The following ASPH variants were observed in gnomAD, a reference collection of about 807,000 sequenced individuals.
ASPH encodes the protein aspartate beta-hydroxylase.
ASPH carries 100 observed loss-of-function variants against 118.4 expected under a neutral mutation model. That is an observed-to-expected ratio of 0.84 (90% confidence interval 0.72 to 1.00). The LOEUF is 1.00. Ranked by LOEUF, ASPH falls within the 50% of genes least tolerant of loss-of-function variation. The pLI, the probability that ASPH is intolerant of heterozygous loss-of-function variation, is 0.00. For synonymous variants in ASPH, 315 were observed against 325.6 expected, an observed-to-expected ratio of 0.97 and a Z score of 0.35; for missense variants, 920 against 919.5, an observed-to-expected ratio of 1.00 and a Z score of -0.01.
intron 1 of ASPH, among the ~76,000 whole-genome samples, chr8:61,700,879 A>G (rs1053159981): frequency 6.6e-6 from 1 of 152,252 alleles, no homozygotes; most frequent in African/African-American, 2.4e-5. Context: ...ATAATTCGGC[A>G]TGAGTATCAT....
chr8:61,534,135 T>C (rs971452177), intron 21 of ASPH, among the ~76,000 whole-genome samples: 2 of 152,086 alleles, frequency 1.3e-5, no homozygotes, highest in Non-Finnish European at 2.9e-5. Flanking sequence ...TTAATAGAGA[T>C]GGGGTTTCTC....
At chr8:61,698,971 T>C (rs1376074154) in intron 1 of ASPH, among the ~76,000 whole-genome samples, 1 of 152,246 alleles carries the variant, frequency 6.6e-6, no homozygotes, top group African/African-American at 2.4e-5. Flanking sequence ...GTTACTTCAG[T>C]GGGGTCTCCA....
chr8:61,652,095 G>C (rs1483186206), intron 4 of ASPH, among the ~76,000 whole-genome samples: 1 of 152,136 alleles, frequency 6.6e-6, no homozygotes, highest in Non-Finnish European at 1.5e-5. Flanking sequence ...GCATAAAAAT[G>C]CCTATTTTTA....
intron 14 of ASPH, among the ~76,000 whole-genome samples, chr8:61,592,483 T>C (rs1841435291): frequency 6.6e-6 from 1 of 152,308 alleles, no homozygotes; most frequent in South Asian, 2.1e-4. Flanking sequence ...ATGCTAAACT[T>C]CCCCTGCTTC....
At chr8:61,526,148 A>G (rs1461482629) in intron 21 of ASPH, 36 bp from the exon 22 acceptor site, 3 of 1,611,278 alleles carry the variant, frequency 1.9e-6, no homozygotes, top group Non-Finnish European at 1.7e-6. Context: ...GGACTGAAAA[A>G]GGGCCTGGTG....
intron 24 of ASPH, among the ~76,000 whole-genome samples, chr8:61,510,475 A>G (rs575897158): frequency 6.6e-6 from 1 of 152,358 alleles, no homozygotes; most frequent in South Asian, 2.1e-4. Flanking sequence ...AGCTTCTGGG[A>G]GCTGACCTAG....
intron 9 of ASPH, 52 bp downstream of exon 9, chr8:61,643,333 AT>A (rs1806193961): frequency 5.8e-6 from 9 of 1,546,440 alleles, no homozygotes; most frequent in Non-Finnish European, 6.2e-6. Flanking sequence ...ACAGCATGTG[AT>A]TGAAAAATCT....
Position 61,569,653 on chromosome 8 carries a change from T to A in ASPH, c.1150-2335A>T, listed in dbSNP as rs576538052. 6.6e-5 allele frequency among the ~76,000 whole-genome samples: 10 copies of A among 152,058 alleles called. No homozygotes were observed. In the South Asian group the frequency reaches 2.1e-3, roughly 32 times the overall value. Reference sequence around the variant, plus strand: ...GATTAGGATAAATTACCCAAGATGATGAGAACTAGAATTAAAGTGATGGAA... The same window carrying A: ...GATTAGGATAAATTACCCAAGATGAAGAGAACTAGAATTAAAGTGATGGAA... On this transcript the variant is annotated intron_variant, in intron 16 of 24. Coordinates refer to ENST00000379454, the MANE Select transcript of ASPH (RefSeq NM_004318.4).
chr8:61,706,123 A>T (rs1360686046), intron 1 of ASPH, among the ~76,000 whole-genome samples: 2 of 152,198 alleles, frequency 1.3e-5, no homozygotes, highest in Admixed American at 1.3e-4. Context: ...TGTCAGACTT[A>T]AATACATAAG....
Position 61,633,701 on chromosome 8 carries a change from G to T in ASPH, c.916C>A (p.Gln306Lys). 1 of 1,599,486 alleles carries T rather than the reference G, an allele frequency of 6.3e-7. No individual in the cohort carries two copies. The highest frequency in any genetic ancestry group is 8.5e-7 in the Non-Finnish European group (1 of 1,172,684). ...EEVSIFPVEE[Q>K]QEVPPETNRK... Reference sequence around the variant, plus strand: ...GTCATACCTGGTGGTACTTCCTGCTGTTCTTCCACAGGAAAAATGCTTACT... The same window carrying T: ...GTCATACCTGGTGGTACTTCCTGCTTTTCTTCCACAGGAAAAATGCTTACT... The change falls in exon 13 of 25, where the codon CAG becomes AAG. Residue 306 changes from glutamine (Q) to lysine (K), a missense_variant. Transcript: ENST00000379454.
At chr8:61,608,292 TGA>T (rs1452779893) in intron 14 of ASPH, among the ~76,000 whole-genome samples, 3 of 152,108 alleles carry the variant, frequency 2.0e-5, no homozygotes, top group African/African-American at 7.2e-5. Context: ...CTGAGTGAGG[TGA>T]GAGTCTGCCG....
intron 13 of ASPH, among the ~76,000 whole-genome samples, chr8:61,630,979 C>A (rs182862176): frequency 6.6e-6 from 1 of 151,860 alleles, no homozygotes; most frequent in East Asian, 1.9e-4. Flanking sequence ...ATCCTGCAGG[C>A]CTAAGCTAAT....
intron 17 of ASPH, 100 bp from the exon 18 acceptor site, chr8:61,562,980 A>G (rs1395352942): frequency 1.6e-6 from 2 of 1,217,364 alleles, no homozygotes; most frequent in African/African-American, 3.1e-5. Context: ...CCAGAGCCTG[A>G]GAACCAGCTC....
intron 13 of ASPH, among the ~76,000 whole-genome samples, chr8:61,621,152 G>A (rs1225168446): frequency 6.6e-6 from 1 of 152,094 alleles, no homozygotes; most frequent in Admixed American, 6.5e-5. Context: ...ATCATTCCAG[G>A]CCCCAGGCCA....
chr8:61,579,764 G>A (rs1423490574), intron 15 of ASPH: 6 of 814,964 alleles, frequency 7.4e-6, no homozygotes, highest in Non-Finnish European at 1.3e-5. Context: ...GGGAACAGGA[G>A]ACCCACCTGA....
rs1238933785 is a variant in ASPH, at chr8:61,500,999, C to T, written c.*2360G>A. The T allele has an allele frequency of 6.6e-6, 1 of 151,882 alleles. No individual in the cohort carries two copies. The highest frequency in any genetic ancestry group is 1.5e-5 in the Non-Finnish European group (1 of 67,954). The allele number at this position is 151,882 out of a possible 1,614,324, so 9.4% of individuals were successfully genotyped here. ...AATTTTTTCCCCTATTGGTAGAGAACAATAACAGAAGTAATTTTTATATTA... is the reference window on the plus strand; with the variant it reads ...AATTTTTTCCCCTATTGGTAGAGAATAATAACAGAAGTAATTTTTATATTA... On this transcript the variant is annotated 3_prime_UTR_variant, in exon 25 of 25. Transcript: ENST00000379454.
At chr8:61,699,894 T>C (rs890864482) in intron 1 of ASPH, among the ~76,000 whole-genome samples, 3 of 152,122 alleles carry the variant, frequency 2.0e-5, no homozygotes, top group African/African-American at 7.2e-5. Context: ...TATGCCTAGT[T>C]GAACAGCAGA....
intron 3 of ASPH, chr8:61,675,610 T>C (rs541524452): frequency 1.0e-6 from 1 of 978,520 alleles, no homozygotes; most frequent in Non-Finnish European, 1.2e-6. Context: ...TATACATCAG[T>C]CATGTTAAAG....
chr8:61,695,521 C>T lies in ASPH; in HGVS notation c.104-11333G>A, dbSNP rs187202085. 7.2e-5 allele frequency among the ~76,000 whole-genome samples: 11 copies of T among 152,318 alleles called. No individual in the cohort carries two copies. The East Asian group carries it at 1.7e-3, about 24-fold the overall frequency. On this transcript the variant is annotated intron_variant, in intron 1 of 24. Coordinates refer to ENST00000379454, the MANE Select transcript of ASPH (RefSeq NM_004318.4). ...AAGCTGCACCATCACATACAACCCC[C>T]ACACCCCAGCTATTGCCAGCTCACT... is the stretch of plus-strand genomic sequence containing the variant.
Sources: allele counts gnomAD v4.1 joint callset (sites outside exome capture counted in the v4.1 genomes callset), GRCh38; gene constraint gnomAD v4.1.1; transcripts MANE v1.5; gene names NCBI Gene and HGNC (gene_info 2026-07-23, HGNC 2026-07-21).